The following NUMB variants were observed in gnomAD, a reference collection of about 807,000 sequenced individuals.
The protein encoded by NUMB is NUMB endocytic adaptor protein.
A neutral mutation model predicts 59.7 loss-of-function variants in NUMB; 29 were observed. The ratio of observed to expected loss-of-function variants is 0.49; its 90% CI spans 0.36 to 0.66. The LOEUF is 0.66. Ranked by LOEUF, NUMB falls within the 30% of genes least tolerant of loss-of-function variation. The probability of loss-of-function intolerance (pLI) is 0.00; values close to 1 mark genes in which losing one functional copy is unlikely to be tolerated. For synonymous variants in NUMB, 288 were observed against 288.2 expected (o/e 1.00, Z 0.01); for missense variants, 723 against 822.0 (o/e 0.88, Z 1.47).
At chr14:73,292,163 G>A (rs1407166687) in intron 8 of NUMB, among the ~76,000 whole-genome samples, 1 of 151,964 alleles carries the variant, frequency 6.6e-6, no homozygotes, top group Non-Finnish European at 1.5e-5. Context: ...AGCCTCCCAA[G>A]GCATGTAGAA....
At chr14:73,319,942 C>T (rs922748262) in intron 5 of NUMB, among the ~76,000 whole-genome samples, 2 of 152,032 alleles carry the variant, frequency 1.3e-5, no homozygotes, top group African/African-American at 4.8e-5. Context: ...CCACCCTGGC[C>T]AACACGGTGA....
At chr14:73,373,179 T>C (rs1013145583) in intron 2 of NUMB, among the ~76,000 whole-genome samples, 2 of 152,144 alleles carry the variant, frequency 1.3e-5, no homozygotes, top group African/African-American at 2.4e-5. Flanking sequence ...GGCCCAGCTG[T>C]TTCCTAGGAA....
chr14:73,335,910 G>A (rs1389776452), intron 4 of NUMB, among the ~76,000 whole-genome samples: 2 of 152,198 alleles, frequency 1.3e-5, no homozygotes, highest in East Asian at 1.9e-4. Flanking sequence ...CTTGTTTTGA[G>A]TCTTTAACCA....
At chr14:73,455,612 T>C (rs1037941155) in intron 1 of NUMB, among the ~76,000 whole-genome samples, 3 of 152,240 alleles carry the variant, frequency 2.0e-5, no homozygotes, top group Non-Finnish European at 4.4e-5. Flanking sequence ...TTCTTTTCTC[T>C]ACAAAGACCT....
chr14:73,446,815 G>A (rs1182288734), intron 1 of NUMB, among the ~76,000 whole-genome samples: 1 of 151,606 alleles, frequency 6.6e-6, no homozygotes, highest in African/African-American at 2.4e-5. Context: ...GAGGCAGAAG[G>A]ATCACTTGAG....
intron 2 of NUMB, among the ~76,000 whole-genome samples, chr14:73,402,917 T>C (rs1028387769): frequency 6.6e-6 from 1 of 152,230 alleles, no homozygotes; most frequent in Admixed American, 6.5e-5. Flanking sequence ...GAACATCACA[T>C]TGAAGTCAAA....
At chr14:73,389,110 A>C (rs1391101921) in intron 2 of NUMB, among the ~76,000 whole-genome samples, 1 of 149,112 alleles carries the variant, frequency 6.7e-6, no homozygotes, top group East Asian at 2.0e-4. Context: ...AAAAAAAAAA[A>C]AAAAAAAAAA....
chr14:73,309,291 A>G (rs1444020973), intron 6 of NUMB, among the ~76,000 whole-genome samples: 1 of 152,224 alleles, frequency 6.6e-6, no homozygotes, highest in Admixed American at 6.5e-5. Flanking sequence ...CTGCAGCACT[A>G]TTCACAATAG....
intron 1 of NUMB, among the ~76,000 whole-genome samples, chr14:73,421,581 G>C (rs1195896624): frequency 6.6e-6 from 1 of 152,092 alleles, no homozygotes; most frequent in Non-Finnish European, 1.5e-5. Flanking sequence ...CCTATACACA[G>C]AATCACCATG....
In NUMB at chr14:73,446,953, C is replaced by T. The variant is rs143245948; in HGVS notation, c.-233+11540G>A. Among the ~76,000 whole-genome samples the T allele has an allele frequency of 1.8e-4, 28 of 151,942 alleles. No homozygotes were observed. In the East Asian group the frequency reaches 5.2e-3, roughly 28 times the overall value. ...CCTGTAATCCCAGCACTTTGGGAGG[C>T]CGAGATGGGCAGATCATGAGGTCAG... is the stretch of plus-strand genomic sequence containing the variant. On this transcript the variant is annotated intron_variant, in intron 1 of 12. Transcript: ENST00000555238.
rs61746660 is a variant in NUMB, at chr14:73,276,825, G to C, written c.1709C>G (p.Ala570Gly). 5.0e-6 allele frequency: 8 copies of C among 1,614,140 alleles called. No homozygotes were observed. Among genetic ancestry groups the C allele is most frequent in the Non-Finnish European group, 6.8e-6 (8 of 1,180,016 alleles). Reference protein sequence around the residue: ...QTFPHYEASSATTSPFFKPPA... With the variant: ...QTFPHYEASSGTTSPFFKPPA... ...AGGCTTAAAGAAGGGACTGGTGGTA[G>C]CACTGCTTGCCTCGTAGTGAGGGAA... The change falls in exon 13 of 13, where the codon GCT becomes GGT. Residue 570 changes from alanine (A) to glycine (G), a missense_variant. Ala to Gly is a moderately conservative substitution (Grantham distance 60). Transcript: ENST00000555238.
chr14:73,382,245 C>T (rs1490367543), intron 2 of NUMB, among the ~76,000 whole-genome samples: 2 of 152,136 alleles, frequency 1.3e-5, no homozygotes, highest in Admixed American at 6.5e-5. Context: ...CTCCTGGGTT[C>T]GAGTGATTCT....
chr14:73,283,226 G>A (rs1888749456), intron 10 of NUMB, among the ~76,000 whole-genome samples: 1 of 152,160 alleles, frequency 6.6e-6, no homozygotes, highest in Admixed American at 6.5e-5. Context: ...AGACTGAACT[G>A]AAATGAGGTA....
At chr14:73,312,774 C>T (rs1200136155) in intron 6 of NUMB, among the ~76,000 whole-genome samples, 1 of 151,334 alleles carries the variant, frequency 6.6e-6, no homozygotes, top group African/African-American at 2.4e-5. Flanking sequence ...AGACCCACTT[C>T]CTGGCCCCTC....
At position 73,352,498 on chromosome 14, in the gene NUMB, A is replaced by G. The variant is rs1483712865; in HGVS notation, c.126+3128T>C. On this transcript the variant is annotated intron_variant, in intron 4 of 12. Coordinates refer to ENST00000555238, the MANE Select transcript of NUMB (RefSeq NM_001005743.2). Reference sequence around the variant, plus strand: ...CACACATATATATATATATATATATATATATATATATATATATATATATAT... The same window carrying G: ...CACACATATATATATATATATATATGTATATATATATATATATATATATAT... 3.1e-3 allele frequency among the ~76,000 whole-genome samples: 33 copies of G among 10,560 alleles called. 3 individuals carry two copies. The highest frequency in any genetic ancestry group is 0.014 in the African/African-American group (24 of 1,704). 6.9% of individuals were successfully genotyped at this position (10,560 alleles called of 152,430 possible).
intron 5 of NUMB, among the ~76,000 whole-genome samples, chr14:73,321,254 T>C (rs1408424974): frequency 2.0e-5 from 3 of 152,162 alleles, no homozygotes; most frequent in Non-Finnish European, 4.4e-5. Flanking sequence ...CACCATAAGT[T>C]GTGTAAATTA....
At chr14:73,323,985 C>T (rs1229898081) in intron 4 of NUMB, among the ~76,000 whole-genome samples, 2 of 152,190 alleles carry the variant, frequency 1.3e-5, no homozygotes, top group African/African-American at 4.8e-5. Context: ...CTAACTCCTC[C>T]TTCTCCCCTG....
intron 2 of NUMB, among the ~76,000 whole-genome samples, chr14:73,370,624 G>A (rs137880133): frequency 0.052 from 7,834 of 152,038 alleles, 655 homozygotes; most frequent in African/African-American, 0.18. Context: ...CCCAGGAGGC[G>A]GAGGTTGCGA....
rs1400107695 is a variant in NUMB at position 73,386,883 on chromosome 14, T to A, written c.-100-19902A>T. Among the ~76,000 whole-genome samples, 9 of 122,332 alleles carry A rather than the reference T, an allele frequency of 7.4e-5. 1 individual carries two copies. Among genetic ancestry groups the A allele is most frequent in the African/African-American group, 2.4e-4 (8 of 32,762 alleles). The allele number at this position is 122,332 out of a possible 152,430, so 80.3% of individuals were successfully genotyped here. A position where few individuals can be genotyped will look rare whatever the true frequency, so the allele number is the denominator to read the frequency against. On this transcript the variant is annotated intron_variant, in intron 2 of 12. Transcript: ENST00000555238. ...AGGTGTCTTATTTTTTTTTTTTTTT[T>A]TTTTTTTTTTTTTTTGAGACGGAGT...
Sources: gnomAD v4.1 joint callset for allele counts (sites outside exome capture counted in the v4.1 genomes callset) on GRCh38, gnomAD v4.1.1 for gene constraint, MANE v1.5 for transcripts, NCBI Gene and HGNC (gene_info 2026-07-23, HGNC 2026-07-21) for gene names.